Variants in MYLK4 observed in about 807,000 individuals in gnomAD.
MYLK4 encodes caMLCK like.
MYLK4 carries 46 observed loss-of-function variants against 48.1 expected under a neutral mutation model. That is an observed-to-expected ratio of 0.96 (90% CI 0.75 to 1.22). The LOEUF (loss-of-function observed/expected upper bound fraction) is 1.22. MYLK4 is among the 50% of genes most tolerant of loss of function. The probability of loss-of-function intolerance (pLI) is 0.00; values close to 1 mark genes in which losing one functional copy is unlikely to be tolerated. For missense variants in MYLK4, 451 were observed against 486.1 expected (o/e 0.93, Z 0.68); for synonymous variants, 170 against 180.8 (o/e 0.94, Z 0.48).
the MYLK4 span, among the ~76,000 whole-genome samples, chr6:2,763,785 A>G: frequency 6.6e-6 from 1 of 152,262 alleles, no homozygotes; most frequent in South Asian, 2.1e-4. Flanking sequence ...GGAGGCGCTG[A>G]GAGCGAGCGA....
At chr6:2,752,439 A>G (rs574517578), upstream of MYLK4, among the ~76,000 whole-genome samples, 1 of 152,202 alleles carries the variant, frequency 6.6e-6, no homozygotes, top group Admixed American at 6.5e-5. Flanking sequence ...AATCCCATGC[A>G]GGATTCCACA....
At chr6:2,726,674 G>A (rs528122892) in intron 2 of MYLK4, among the ~76,000 whole-genome samples, 12 of 147,220 alleles carry the variant, frequency 8.2e-5, no homozygotes, top group African/African-American at 2.3e-4. Flanking sequence ...GTGCAGTGGC[G>A]GGATTTCGGC....
chr6:2,728,708 A>C (rs1304295722), intron 2 of MYLK4, among the ~76,000 whole-genome samples: 1 of 152,178 alleles, frequency 6.6e-6, no homozygotes, highest in East Asian at 1.9e-4. Context: ...CCTAGTTATC[A>C]CAGTGACCAA....
chr6:2,760,425 T>G, the MYLK4 span, among the ~76,000 whole-genome samples: 19 of 152,084 alleles, frequency 1.2e-4, no homozygotes, highest in African/African-American at 4.6e-4. Context: ...ATGTCCAGAG[T>G]TTTTATTGAG....
In MYLK4 at chr6:2,688,920, C is replaced by T. The variant is rs1312872346; in HGVS notation, c.272G>A (p.Arg91His). The T allele has an allele frequency of 2.5e-6, 4 of 1,614,130 alleles. No individual in the cohort carries two copies. The highest frequency in any genetic ancestry group is 2.2e-5 in the East Asian group (1 of 44,886). ...IPAPPAPFDH[R>H]IVTAKQGAVN... ...CGCTCCTTGCTTGGCTGTCACAATA[C>T]GATGATCAAATGGGGCCGGAGGAGC... The change falls in exon 4 of 13, where the codon CGT becomes CAT. Residue 91 changes from arginine (R) to histidine (H), a missense_variant. Coordinates refer to ENST00000274643, the MANE Select transcript of MYLK4 (RefSeq NM_001012418.5).
upstream of MYLK4, among the ~76,000 whole-genome samples, chr6:2,754,172 T>C (rs554477310): frequency 2.0e-5 from 3 of 152,274 alleles, no homozygotes; most frequent in East Asian, 5.8e-4. Context: ...TTCTCCTAGG[T>C]ATCTACCCAA....
intron 2 of MYLK4, among the ~76,000 whole-genome samples, chr6:2,702,435 A>G (rs1404483592): frequency 6.6e-6 from 1 of 152,186 alleles, no homozygotes; most frequent in Non-Finnish European, 1.5e-5. Flanking sequence ...AAAGAAAATA[A>G]AAGTATTGTG....
At chr6:2,677,661 G>A (rs1761128353) in intron 10 of MYLK4, among the ~76,000 whole-genome samples, 1 of 152,208 alleles carries the variant, frequency 6.6e-6, no homozygotes, top group Admixed American at 6.5e-5. Context: ...ACAGCCAAGT[G>A]TGCGGCCGTT....
chr6:2,748,302 C>T (rs906777682), intron 2 of MYLK4, among the ~76,000 whole-genome samples: 9 of 152,188 alleles, frequency 5.9e-5, no homozygotes, highest in South Asian at 2.1e-4. Context: ...ACAAATAACA[C>T]GAGGTTTCCC....
chr6:2,765,429 G>A, the MYLK4 span: 4 of 564,056 alleles, frequency 7.1e-6, no homozygotes, highest in Non-Finnish European at 1.0e-5. Flanking sequence ...GCTGCCAGCG[G>A]CCGGCCGAGG....
At chr6:2,744,078 C>A in intron 2 of MYLK4, 1 of 398,878 alleles carries the variant, frequency 2.5e-6, no homozygotes, top group Non-Finnish European at 4.4e-6. Context: ...TTATATGTTC[C>A]TTCCCTGCCC....
At chr6:2,698,004 G>T (rs115822788) in intron 2 of MYLK4, among the ~76,000 whole-genome samples, 3,495 of 152,356 alleles carry the variant, frequency 0.023, 56 homozygotes, top group Non-Finnish European at 0.036. Context: ...ATGCATCCCT[G>T]CCACGGTGGC....
chr6:2,714,559 G>A lies in MYLK4; in HGVS notation c.160-21700C>T, dbSNP rs79403531. Among the ~76,000 whole-genome samples the A allele has an allele frequency of 7.0e-3, 1,066 of 152,266 alleles. 11 individuals are homozygous for A. The highest frequency in any genetic ancestry group is 0.024 in the African/African-American group (981 of 41,532). Reference sequence around the variant, plus strand: ...GGGCATAGCCCCAATTTGGGGGCTCGCCTGTCCTGCATCAGAATTATCATA... The same window carrying A: ...GGGCATAGCCCCAATTTGGGGGCTCACCTGTCCTGCATCAGAATTATCATA... On this transcript the variant is annotated intron_variant, in intron 2 of 12. Coordinates refer to ENST00000274643, the MANE Select transcript of MYLK4 (RefSeq NM_001012418.5).
chr6:2,745,370 A>G (rs1386840921), intron 2 of MYLK4, among the ~76,000 whole-genome samples: 2 of 152,262 alleles, frequency 1.3e-5, no homozygotes, highest in Admixed American at 6.5e-5. Flanking sequence ...AAACCTGTTC[A>G]TCATTTATAA....
Position 2,685,578 on chromosome 6 carries a change from T to C in MYLK4, c.342-2A>G. On this transcript the variant is annotated splice_acceptor_variant, in intron 4 of 12. Coordinates refer to ENST00000274643, the MANE Select transcript of MYLK4 (RefSeq NM_001012418.5). LOFTEE classifies it high-confidence loss of function. The surrounding 1 kb of genome is among the most constrained non-coding windows in gnomAD (Gnocchi z 4.5). ...TTGTGAACCTGGCCGAAACGCCCTC[T>C]GCCAAAAAGAGGAAGCGGCGTAGCA... 6.2e-7 allele frequency: 1 copy of C among 1,614,092 alleles called. No homozygotes were observed. Among genetic ancestry groups the C allele is most frequent in the Non-Finnish European group, 8.5e-7 (1 of 1,179,996 alleles).
chr6:2,765,842 C>G, the MYLK4 span: 8 of 1,396,230 alleles, frequency 5.7e-6, no homozygotes. Context: ...GAGGCGGCGG[C>G]TGTCGGAGAG....
At chr6:2,748,540 G>A (rs571614179) in intron 2 of MYLK4, among the ~76,000 whole-genome samples, 21 of 152,194 alleles carry the variant, frequency 1.4e-4, no homozygotes, top group Non-Finnish European at 2.1e-4. Context: ...CTTTACAGAC[G>A]TGATCACACT....
chr6:2,764,722 C>T, the MYLK4 span, among the ~76,000 whole-genome samples: 1 of 152,164 alleles, frequency 6.6e-6, no homozygotes, highest in South Asian at 2.1e-4. Flanking sequence ...TCCGATTTGC[C>T]ACTATTACAC....
chr6:2,760,133 G>A, the MYLK4 span, among the ~76,000 whole-genome samples: 1 of 152,078 alleles, frequency 6.6e-6, no homozygotes, highest in Non-Finnish European at 1.5e-5. Flanking sequence ...GAGCATATGT[G>A]CATAGGTTAC....
Sources: gnomAD v4.1 joint callset for allele counts (sites outside exome capture counted in the v4.1 genomes callset) on GRCh38, gnomAD v4.1.1 for gene constraint, Gnocchi (gnomAD v3.1) non-coding constraint, MANE v1.5 for transcripts, NCBI Gene and HGNC (gene_info 2026-07-23, HGNC 2026-07-21) for gene names.